The following POU2F2 variants were observed in gnomAD, a reference collection of about 807,000 sequenced individuals.
POU2F2 encodes POU class 2 homeobox 2, also known as POU domain, class 2, transcription factor 2.
POU2F2 carries 14 observed loss-of-function variants against 63.5 expected under a neutral mutation model. The ratio of observed to expected loss-of-function variants is 0.22; its 90% CI spans 0.15 to 0.34. POU2F2 has a LOEUF of 0.34. Ranked by LOEUF, POU2F2 falls within the 10% of genes least tolerant of loss-of-function variation. POU2F2 has a pLI of 1.00. For missense variants in POU2F2, 607 were observed against 815.2 expected (o/e 0.74, Z 3.11); for synonymous variants, 306 against 348.6 (o/e 0.88, Z 1.36).
At chr19:42,122,966 C>A (rs2146636646) in intron 1 of POU2F2, among the ~76,000 whole-genome samples, 1 of 152,294 alleles carries the variant, frequency 6.6e-6, no homozygotes, top group African/African-American at 2.4e-5. Context: ...GGGCGGGCCG[C>A]CCAGGCTCCC....
At chr19:42,147,816 A>C (rs2034262142) in intron 2 of POU2F2, among the ~76,000 whole-genome samples, 1 of 152,212 alleles carries the variant, frequency 6.6e-6, no homozygotes, top group Non-Finnish European at 1.5e-5. Flanking sequence ...AACCTAGAGG[A>C]TGGGCAGGAG....
At chr19:42,094,949 G>A (rs1242650909) in intron 11 of POU2F2, among the ~76,000 whole-genome samples, 1 of 152,206 alleles carries the variant, frequency 6.6e-6, no homozygotes, top group Non-Finnish European at 1.5e-5. Context: ...CGGCAAATAA[G>A]TGCCTCTCCC....
chr19:42,093,104 G>A (rs968491444), intron 12 of POU2F2, among the ~76,000 whole-genome samples: 9 of 143,510 alleles, frequency 6.3e-5, no homozygotes, highest in Admixed American at 2.2e-4. Flanking sequence ...TCCTCCTCCC[G>A]GATTCAAGTG....
chr19:42,103,008 C>T (rs1176390807), intron 5 of POU2F2, among the ~76,000 whole-genome samples: 3 of 151,964 alleles, frequency 2.0e-5, no homozygotes, highest in African/African-American at 7.3e-5. Flanking sequence ...GGCTGTGCTC[C>T]AGCCATTTAG....
upstream of POU2F2, among the ~76,000 whole-genome samples, chr19:42,180,481 C>T (rs1162287618): frequency 2.0e-5 from 3 of 152,102 alleles, no homozygotes; most frequent in Non-Finnish European, 4.4e-5. Flanking sequence ...ACTCCCAGGT[C>T]CCTCCATCTG....
intron 1 of POU2F2, among the ~76,000 whole-genome samples, chr19:42,171,772 T>C (rs1277257883): frequency 6.6e-6 from 1 of 152,154 alleles, no homozygotes; most frequent in African/African-American, 2.4e-5. Flanking sequence ...CACAGCCCTA[T>C]ACTTTATAGG....
At chr19:42,186,181 C>T (rs1043848129) in intron 1 of POU2F2, among the ~76,000 whole-genome samples, 1 of 151,798 alleles carries the variant, frequency 6.6e-6, no homozygotes, top group Non-Finnish European at 1.5e-5. Context: ...AAAAATTAGC[C>T]GGGTGTGGTG....
upstream of POU2F2, among the ~76,000 whole-genome samples, chr19:42,133,212 C>G (rs533547182): frequency 2.0e-5 from 3 of 152,282 alleles, no homozygotes; most frequent in South Asian, 4.1e-4. The surrounding 1 kb of genome is among the most constrained non-coding windows in gnomAD (Gnocchi z 5.1). Flanking sequence ...CGCGCTGCGG[C>G]GCTCCCATTT....
In POU2F2 at chr19:42,091,131, C is replaced by G; in HGVS notation, c.*126G>C. The G allele has an allele frequency of 4.4e-6, 2 of 457,968 alleles. No homozygotes were observed. The highest frequency in any genetic ancestry group is 6.0e-6 in the Non-Finnish European group (2 of 332,498). 28.4% of individuals were successfully genotyped at this position (457,968 alleles called of 1,614,324 possible). A position where few individuals can be genotyped will look rare whatever the true frequency, so the allele number is the denominator to read the frequency against. ...TTTTTTGGTTGGTTGTTTTTTTGGTCTTTCCTCCCTTGTCACTCCTGCTCT... is the reference window on the plus strand; with the variant it reads ...TTTTTTGGTTGGTTGTTTTTTTGGTGTTTCCTCCCTTGTCACTCCTGCTCT... On this transcript the variant is annotated 3_prime_UTR_variant, in exon 15 of 15. Transcript: ENST00000692977.
In POU2F2 at chr19:42,096,180, C is replaced by G; in HGVS notation, c.631G>C (p.Glu211Gln). ...LSHPQPPKCL[E>Q]PPSHPEEPSD... Reference sequence around the variant, plus strand: ...GGCTCCTCGGGGTGGGATGGTGGCTCCAAGCATTTGGGGGGCTGCGGGTGC... The same window carrying G: ...GGCTCCTCGGGGTGGGATGGTGGCTGCAAGCATTTGGGGGGCTGCGGGTGC... Residue 211 changes from glutamate (E) to glutamine (Q), a missense_variant, in exon 8 of 15, where the codon GAG becomes CAG. Physicochemically the swap from Glu to Gln is conservative, Grantham distance 29. Coordinates refer to ENST00000692977, the MANE Select transcript of POU2F2 (RefSeq NM_001394376.1). This position sits in a 1 kb window ranked among gnomAD's most constrained non-coding sequence, Gnocchi z 4.1. 2 of 1,613,462 alleles carry G rather than the reference C, an allele frequency of 1.2e-6. No homozygotes were observed. The highest frequency in any genetic ancestry group is 1.1e-5 in the South Asian group (1 of 91,052).
chr19:42,147,184 C>G (rs142752403), intron 2 of POU2F2, among the ~76,000 whole-genome samples: 1 of 152,254 alleles, frequency 6.6e-6, no homozygotes, highest in Non-Finnish European at 1.5e-5. Flanking sequence ...GTCATCTCAC[C>G]CCTGCTGACA....
At chr19:42,176,756 G>A (rs1369872950), upstream of POU2F2, among the ~76,000 whole-genome samples, 2 of 151,482 alleles carry the variant, frequency 1.3e-5, no homozygotes, top group East Asian at 3.9e-4. Flanking sequence ...CCAGCCAGGG[G>A]GCAAAGCCCC....
In POU2F2 at chr19:42,153,133, G is replaced by A. The variant is rs2034387942; in HGVS notation, c.-9+7199C>T. 6.6e-6 allele frequency among the ~76,000 whole-genome samples: 1 copy of A among 152,214 alleles called. No individual in the cohort carries two copies. Among genetic ancestry groups the A allele is most frequent in the Non-Finnish European group, 1.5e-5 (1 of 68,030 alleles). On this transcript the variant is annotated intron_variant, in intron 2 of 6. Coordinates refer to the POU2F2 transcript ENST00000524801. The surrounding 1 kb of genome is among the most constrained non-coding windows in gnomAD (Gnocchi z 5.6). ...TGTGGTTGGGGTGGGAAGCTTGTGC[G>A]GCTTCGGACAGGAGGTTCCAGCGAG...
At chr19:42,151,800 G>A (rs2034357329) in intron 2 of POU2F2, among the ~76,000 whole-genome samples, 1 of 152,216 alleles carries the variant, frequency 6.6e-6, no homozygotes, top group South Asian at 2.1e-4. Context: ...TCTATGGAGA[G>A]GGAAGAGGAG....
chr19:42,103,875 C>T (rs1209531623), intron 5 of POU2F2, among the ~76,000 whole-genome samples: 9 of 151,364 alleles, frequency 5.9e-5, no homozygotes, highest in Admixed American at 2.0e-4. Context: ...CCTCGTGATC[C>T]GCCTGCCTCG....
At chr19:42,091,705 C>T (rs1303776651) in intron 14 of POU2F2, 114 bp from the exon 15 acceptor site, 1 of 1,551,382 alleles carries the variant, frequency 6.4e-7, no homozygotes, top group Non-Finnish European at 8.7e-7. Context: ...CACTGACCCC[C>T]ATCAGCACCC....
chr19:42,192,720 G>A (rs2035087187), intron 1 of POU2F2, among the ~76,000 whole-genome samples: 1 of 152,060 alleles, frequency 6.6e-6, no homozygotes, highest in Non-Finnish European at 1.5e-5. Flanking sequence ...ATTCAAGAAA[G>A]AGCAGAATTT....
intron 2 of POU2F2, among the ~76,000 whole-genome samples, chr19:42,141,438 G>T (rs537641931): frequency 9.2e-5 from 14 of 152,078 alleles, no homozygotes; most frequent in Admixed American, 2.0e-4. Flanking sequence ...TGTGAAATGG[G>T]GGCAGTAAAA....
intron 1 of POU2F2, among the ~76,000 whole-genome samples, chr19:42,183,919 G>A (rs548452591): frequency 1.5e-4 from 23 of 151,284 alleles, no homozygotes; most frequent in Non-Finnish European, 2.4e-4. Flanking sequence ...ATTGCTATTC[G>A]AAGTACCATG....
Sources: allele counts gnomAD v4.1 joint callset (sites outside exome capture counted in the v4.1 genomes callset), GRCh38; gene constraint gnomAD v4.1.1; non-coding constraint Gnocchi (gnomAD v3.1); transcripts MANE v1.5; gene names NCBI Gene and HGNC (gene_info 2026-07-23, HGNC 2026-07-21).